Variants in PITPNM2 observed in about 807,000 individuals in gnomAD.
PITPNM2 encodes phosphatidylinositol transfer protein membrane associated 2, also known as membrane-associated phosphatidylinositol transfer protein 2.
A neutral mutation model predicts 132.2 loss-of-function variants in PITPNM2; 35 were observed. The observed-to-expected ratio is 0.26, with a 90% CI of 0.20 to 0.35. The LOEUF (loss-of-function observed/expected upper bound fraction) is 0.35. Ranked by LOEUF, PITPNM2 falls within the 10% of genes least tolerant of loss-of-function variation. The pLI is 1.00. For synonymous variants in PITPNM2, 738 were observed against 799.2 expected (o/e 0.92, Z 1.29); for missense variants, 1,332 against 1,912.0 (o/e 0.70, Z 5.66).
intron 2 of PITPNM2, chr12:123,089,306 C>T (rs1395708435): frequency 6.6e-6 from 1 of 152,186 alleles, no homozygotes; most frequent in Non-Finnish European, 1.5e-5. Flanking sequence ...AAAATTAGCG[C>T]TTCCTGATAT....
At chr12:122,991,927 A>G in intron 16 of PITPNM2, 1 of 1,305,276 alleles carries the variant, frequency 7.7e-7, no homozygotes, top group Non-Finnish European at 9.7e-7. Context: ...AGAACAGAGG[A>G]CAAGAACAGA....
rs2038256090 is a variant in PITPNM2, at chr12:122,992,888, C to T, written c.2234-219G>A. ...TCACCCAGGCTGGAGGGCAGTGGTG[C>T]GATCTTGGTTCACTGTAGCCTCCGT... On this transcript the variant is annotated intron_variant, in intron 15 of 25. Coordinates refer to ENST00000320201, the MANE Select transcript of PITPNM2 (RefSeq NM_020845.3). This position sits in a 1 kb window ranked among gnomAD's most constrained non-coding sequence, Gnocchi z 6.5. 6.6e-6 allele frequency among the ~76,000 whole-genome samples: 1 copy of T among 152,112 alleles called. No individual in the cohort carries two copies. Among genetic ancestry groups the T allele is most frequent in the Non-Finnish European group, 1.5e-5 (1 of 67,996 alleles).
At chr12:123,128,782 C>T (rs1248953624) in intron 1 of PITPNM2, among the ~76,000 whole-genome samples, 4 of 150,644 alleles carry the variant, frequency 2.7e-5, no homozygotes, top group South Asian at 2.1e-4. Context: ...AAGTAGCTAC[C>T]GATGGGAGAT....
chr12:123,005,362 G>C lies in PITPNM2; in HGVS notation c.830C>G (p.Ser277Trp), dbSNP rs773549370. 11 of 1,614,032 alleles carry C rather than the reference G, an allele frequency of 6.8e-6. No homozygotes were observed. The highest frequency in any genetic ancestry group is 8.5e-6 in the Non-Finnish European group (10 of 1,180,036). The change falls in exon 7 of 26, where the codon TCG (serine) becomes TGG (tryptophan). Residue 277 changes from serine to tryptophan, a missense_variant. By Grantham distance (177) the Ser-to-Trp change is radical (BLOSUM62 -3). This residue lies in a region of PITPNM2 where 710 missense variants were observed against 911.5 expected (regional missense o/e 0.78). Coordinates refer to ENST00000320201, the MANE Select transcript of PITPNM2 (RefSeq NM_020845.3). This position sits in a 1 kb window ranked among gnomAD's most constrained non-coding sequence, Gnocchi z 6.2. Reference protein sequence around the residue: ...ATELVKHEAVSDQTSGEPPEP... With the variant: ...ATELVKHEAVWDQTSGEPPEP... ...CGGGGGCTCCCCAGAGGTCTGGTCC[G>C]AGACGGCTTCGTGCTTGACGAGCTC...
chr12:123,065,712 C>T (rs2041387966), intron 2 of PITPNM2, among the ~76,000 whole-genome samples: 1 of 152,090 alleles, frequency 6.6e-6, no homozygotes, highest in African/African-American at 2.4e-5. Flanking sequence ...GAGGCAGCTC[C>T]CCAACAGGCA....
At chr12:122,990,770 G>A in intron 16 of PITPNM2, 61 bp from the exon 17 acceptor site, 1 of 1,506,382 alleles carries the variant, frequency 6.6e-7, no homozygotes, top group Non-Finnish European at 8.9e-7. Flanking sequence ...CCGGAGCAGT[G>A]GGGAAGCCAG....
chr12:123,134,842 C>A (rs969754007), intron 1 of PITPNM2, among the ~76,000 whole-genome samples: 1 of 152,054 alleles, frequency 6.6e-6, no homozygotes, highest in African/African-American at 2.4e-5. Context: ...AAGGCCTCTG[C>A]GGGACTCAGT....
At chr12:123,133,802 A>ACACACG (rs2043315692) in intron 1 of PITPNM2, among the ~76,000 whole-genome samples, 1 of 88,596 alleles carries the variant, frequency 1.1e-5, no homozygotes, top group African/African-American at 2.8e-5. Context: ...ACACACACAC[A>ACACACG]CACACACACA....
chr12:123,128,362 A>G (rs1349001457), intron 1 of PITPNM2, among the ~76,000 whole-genome samples: 2 of 137,286 alleles, frequency 1.5e-5, no homozygotes, highest in Non-Finnish European at 3.1e-5. Flanking sequence ...GAATCACTTG[A>G]GCACAGGAGG....
At chr12:123,125,671 C>T (rs973530487) in intron 1 of PITPNM2, among the ~76,000 whole-genome samples, 11 of 150,744 alleles carry the variant, frequency 7.3e-5, no homozygotes, top group Non-Finnish European at 1.3e-4. Context: ...GGTGAAACCC[C>T]GTCTCTATTA....
Position 122,986,309 on chromosome 12 carries a change from C to T in PITPNM2, c.3768G>A (p.Lys1256=). ...GAGCGGGCCGCGCCCGGTGGCTGTA[C>T]TTCAGCTGCGCCAGGTGGGCCGCGT... ...DGYAAHLAQL[K]YSHRARPARN... The change falls in exon 26 of 26, where the codon AAG becomes AAA. Residue 1256 remains lysine (K), a synonymous_variant. Coordinates refer to ENST00000320201, the MANE Select transcript of PITPNM2 (RefSeq NM_020845.3). The T allele has an allele frequency of 1.3e-6, 2 of 1,582,418 alleles. No individual in the cohort carries two copies. Among genetic ancestry groups the T allele is most frequent in the Non-Finnish European group, 1.7e-6 (2 of 1,166,704 alleles).
rs1027001287 is a variant in PITPNM2 at position 123,106,705 on chromosome 12, C to A, written c.-96+3680G>T. On this transcript the variant is annotated intron_variant, in intron 2 of 25. Coordinates refer to ENST00000320201, the MANE Select transcript of PITPNM2 (RefSeq NM_020845.3). The surrounding 1 kb of genome is among the most constrained non-coding windows in gnomAD (Gnocchi z 4.4). The stretch of plus-strand genomic sequence containing the variant: ...AGATTGTGCCCAGATCTCTACCAAG[C>A]TCTGTGGGGACAGCAAAGGAGCTGA... 6.6e-6 allele frequency among the ~76,000 whole-genome samples: 1 copy of A among 152,214 alleles called. No individual in the cohort carries two copies. Among genetic ancestry groups the A allele is most frequent in the Non-Finnish European group, 1.5e-5 (1 of 68,038 alleles).
In PITPNM2 at chr12:123,077,265, G is replaced by C. The variant is rs2041819543; in HGVS notation, c.-96+33120C>G. 6.6e-6 allele frequency among the ~76,000 whole-genome samples: 1 copy of C among 152,164 alleles called. No homozygotes were observed. Among genetic ancestry groups the C allele is most frequent in the Admixed American group, 6.5e-5 (1 of 15,288 alleles). ...CACCTTCTTGGAAATCTTGGTTATG[G>C]GGGATATCGGGGTGGGGAGGGACAC... On this transcript the variant is annotated intron_variant, in intron 2 of 25. Transcript: ENST00000320201. The surrounding 1 kb of genome is among the most constrained non-coding windows in gnomAD (Gnocchi z 4.8).
In PITPNM2 at chr12:123,036,303, A is replaced by G. The variant is rs1033540611; in HGVS notation, c.-95-1618T>C. The stretch of plus-strand genomic sequence containing the variant: ...AAATAAGCCACTTAGGGAGAAAGAC[A>G]GAGAGAGGAAAGGTCTGATAAAGGG... On this transcript the variant is annotated intron_variant, in intron 2 of 25. Coordinates refer to ENST00000320201, the MANE Select transcript of PITPNM2 (RefSeq NM_020845.3). This position sits in a 1 kb window ranked among gnomAD's most constrained non-coding sequence, Gnocchi z 4.1. Among the ~76,000 whole-genome samples, 1 of 152,236 alleles carries G rather than the reference A, an allele frequency of 6.6e-6. No homozygotes were observed. The highest frequency in any genetic ancestry group is 1.5e-5 in the Non-Finnish European group (1 of 68,044).
chr12:123,043,758 C>T (rs888066545), intron 2 of PITPNM2, among the ~76,000 whole-genome samples: 5 of 152,238 alleles, frequency 3.3e-5, no homozygotes, highest in Non-Finnish European at 7.3e-5. Context: ...GTACAGACCA[C>T]AGAGCAGGCT....
At chr12:123,091,827 C>T (rs1026982668) in intron 2 of PITPNM2, 1 of 152,106 alleles carries the variant, frequency 6.6e-6, no homozygotes, top group Admixed American at 6.5e-5. Context: ...ATAGAGAAGA[C>T]CTTGGCCTTG....
chr12:123,137,404 A>C (rs1294325092), intron 1 of PITPNM2, among the ~76,000 whole-genome samples: 1 of 152,140 alleles, frequency 6.6e-6, no homozygotes, highest in East Asian at 1.9e-4. Flanking sequence ...GGGCAGAAGA[A>C]GGCTGTGCCC....
chr12:123,015,742 A>C (rs985164973), intron 3 of PITPNM2, among the ~76,000 whole-genome samples: 1 of 152,192 alleles, frequency 6.6e-6, no homozygotes, highest in Non-Finnish European at 1.5e-5. Context: ...CAAAAGAAAA[A>C]ATAGATGAAC....
At chr12:123,044,720 T>C (rs1436233832) in intron 2 of PITPNM2, among the ~76,000 whole-genome samples, 1 of 152,196 alleles carries the variant, frequency 6.6e-6, no homozygotes, top group African/African-American at 2.4e-5. Context: ...AGTGATTCAG[T>C]TCCTTCACTA....
Sources: gnomAD v4.1 joint callset for allele counts (sites outside exome capture counted in the v4.1 genomes callset) on GRCh38, gnomAD v4.1.1 for gene constraint, gnomAD v4.1.1 regional missense constraint, Gnocchi (gnomAD v3.1) non-coding constraint, MANE v1.5 for transcripts, NCBI Gene and HGNC (gene_info 2026-07-23, HGNC 2026-07-21) for gene names.